MTHFD2L: variants seen among roughly 807,000 people sequenced by gnomAD.
The protein encoded by MTHFD2L is methylenetetrahydrofolate dehydrogenase (NADP+ dependent) 2 like.
MTHFD2L carries 29 observed loss-of-function variants against 34.9 expected under a neutral mutation model. The observed-to-expected ratio is 0.83, with a 90% CI of 0.62 to 1.13. The LOEUF (loss-of-function observed/expected upper bound fraction) is 1.13. Among genes scored for constraint, MTHFD2L ranks in the 50% most tolerant of loss-of-function variants. The pLI is 0.00. For synonymous variants in MTHFD2L, 167 were observed against 155.7 expected (o/e 1.07, Z -0.54); for missense variants, 481 against 446.5 (o/e 1.08, Z -0.70).
chr4:74,197,689 C>T, intron 3 of MTHFD2L, among the ~76,000 whole-genome samples: 1 of 152,282 alleles, frequency 6.6e-6, no homozygotes, highest in African/African-American at 2.4e-5. Context: ...GAGATTGACT[C>T]TAACTCCTTG....
chr4:74,269,334 A>T (rs998499638), intron 6 of MTHFD2L, among the ~76,000 whole-genome samples: 1 of 152,116 alleles, frequency 6.6e-6, no homozygotes, highest in East Asian at 1.9e-4. Context: ...TGTTAGACAG[A>T]ATTTTCTAAA....
At chr4:74,114,717 T>C (rs1230890138) in intron 2 of MTHFD2L, 1 of 152,176 alleles carries the variant, frequency 6.6e-6, no homozygotes, top group African/African-American at 2.4e-5. Context: ...CCAAACTCTC[T>C]CACAAACATA....
At chr4:74,271,564 G>A (rs969041894) in intron 6 of MTHFD2L, among the ~76,000 whole-genome samples, 1 of 152,106 alleles carries the variant, frequency 6.6e-6, no homozygotes, top group Admixed American at 6.5e-5. Flanking sequence ...TGCTGTTTTG[G>A]TTACTGTAGC....
intron 5 of MTHFD2L, among the ~76,000 whole-genome samples, chr4:74,206,952 G>C (rs1364060117): frequency 2.0e-5 from 3 of 152,088 alleles, no homozygotes; most frequent in African/African-American, 7.2e-5. Context: ...CCAGACTAGA[G>C]TTCAGTGGCA....
intron 6 of MTHFD2L, among the ~76,000 whole-genome samples, chr4:74,257,060 C>A (rs1288752938): frequency 6.6e-6 from 1 of 152,032 alleles, no homozygotes; most frequent in Admixed American, 6.6e-5. Flanking sequence ...CAGTATGGCC[C>A]TTTTAATGAT....
chr4:74,185,064 A>G (rs1424370028), intron 3 of MTHFD2L, among the ~76,000 whole-genome samples: 1 of 146,082 alleles, frequency 6.8e-6, no homozygotes, highest in East Asian at 2.2e-4. Flanking sequence ...AGGCAGGAGA[A>G]TGTCCTGAAC....
At chr4:74,157,913 G>C (rs1037847621), upstream of MTHFD2L, 3 of 720,012 alleles carry the variant, frequency 4.2e-6, no homozygotes, top group Non-Finnish European at 7.3e-6. Context: ...CAGAGGGCCC[G>C]GGACTTGGGT....
intron 6 of MTHFD2L, among the ~76,000 whole-genome samples, chr4:74,248,029 TG>T (rs1742742168): frequency 6.6e-6 from 1 of 152,158 alleles, no homozygotes; most frequent in Non-Finnish European, 1.5e-5. Flanking sequence ...CTTTTTCTAT[TG>T]AATGGAATAG....
chr4:74,274,596 A>G lies in MTHFD2L; in HGVS notation c.806-6829A>G, dbSNP rs139966739. Among the ~76,000 whole-genome samples, 694 of 152,346 alleles carry G rather than the reference A, an allele frequency of 4.6e-3. 6 individuals carry two copies. The highest frequency in any genetic ancestry group is 0.043 in the South Asian group (206 of 4,834). ...ATTATTGAATGCTGGTTCCCCAAAA[A>G]TATCACCGAAACAATTCAATGATAT... On this transcript the variant is annotated intron_variant, in intron 6 of 7. Coordinates refer to ENST00000325278, the MANE Select transcript of MTHFD2L (RefSeq NM_001144978.3).
chr4:74,266,991 C>T (rs1745359498), intron 6 of MTHFD2L: 1 of 985,300 alleles, frequency 1.0e-6, no homozygotes, highest in Admixed American at 6.1e-5. Context: ...AAGTTGAGCT[C>T]TGGGGAACCT....
At chr4:74,153,684 G>C (rs1287452382), upstream of MTHFD2L, among the ~76,000 whole-genome samples, 3 of 152,066 alleles carry the variant, frequency 2.0e-5, no homozygotes, top group Admixed American at 6.5e-5. Context: ...CTTGGATAAA[G>C]TCCACCTTTA....
chr4:74,244,303 C>A (rs982982879), intron 6 of MTHFD2L, among the ~76,000 whole-genome samples: 3 of 152,138 alleles, frequency 2.0e-5, no homozygotes, highest in Non-Finnish European at 4.4e-5. Flanking sequence ...GAGATAGAAC[C>A]ATCTATTGGC....
In MTHFD2L at chr4:74,207,252, A is replaced by G. The variant is rs567472493; in HGVS notation, c.712+5882A>G. Among the ~76,000 whole-genome samples, 30 of 152,308 alleles carry G rather than the reference A, an allele frequency of 2.0e-4. No individual in the cohort carries two copies. In the South Asian group the frequency reaches 5.8e-3, roughly 29 times the overall value. On this transcript the variant is annotated intron_variant, in intron 5 of 7. Coordinates refer to ENST00000325278, the MANE Select transcript of MTHFD2L (RefSeq NM_001144978.3). ...GCATACTTTTATTTCTAAGTAGGAC[A>G]TATCTTCTAATTAGGTGAGATTTCC...
chr4:74,297,571 A>G (rs1173750432), intron 7 of MTHFD2L, among the ~76,000 whole-genome samples: 1 of 151,960 alleles, frequency 6.6e-6, no homozygotes, highest in South Asian at 2.1e-4. Context: ...TGGAGCATGT[A>G]GAACACCTTT....
At chr4:74,173,099 A>C (rs906245294) in intron 1 of MTHFD2L, among the ~76,000 whole-genome samples, 1 of 151,990 alleles carries the variant, frequency 6.6e-6, no homozygotes, top group Non-Finnish European at 1.5e-5. Context: ...ATTTACCTAC[A>C]TTTGATGTTT....
At chr4:74,253,747 C>G (rs1743627791) in intron 6 of MTHFD2L, among the ~76,000 whole-genome samples, 1 of 152,154 alleles carries the variant, frequency 6.6e-6, no homozygotes, top group African/African-American at 2.4e-5. Flanking sequence ...CAGGCTAGCT[C>G]CTGTCGACCT....
intron 6 of MTHFD2L, among the ~76,000 whole-genome samples, chr4:74,239,282 C>T (rs1448080312): frequency 6.6e-6 from 1 of 152,076 alleles, no homozygotes; most frequent in African/African-American, 2.4e-5. Flanking sequence ...GGGAACTGAA[C>T]AATGAGAACA....
At chr4:74,136,557 C>T (rs752749581) in intron 1 of MTHFD2L, among the ~76,000 whole-genome samples, 5 of 152,062 alleles carry the variant, frequency 3.3e-5, no homozygotes, top group Non-Finnish European at 7.4e-5. Flanking sequence ...CTACCCCAAA[C>T]AATTTCCAGA....
chr4:74,222,692 A>G lies in MTHFD2L; in HGVS notation c.713-2610A>G, dbSNP rs1009348187. Among the ~76,000 whole-genome samples, 11 of 152,250 alleles carry G rather than the reference A, an allele frequency of 7.2e-5. No homozygotes were observed. In the East Asian group the frequency reaches 1.9e-3, roughly 27 times the overall value. The stretch of plus-strand genomic sequence containing the variant: ...AGTCCTTTTGCTAGTTTCCTCAGAC[A>G]TACTTTGATTAAGTAAACTGTGTCT... On this transcript the variant is annotated intron_variant, in intron 5 of 7. Coordinates refer to ENST00000325278, the MANE Select transcript of MTHFD2L (RefSeq NM_001144978.3).
Sources: allele counts gnomAD v4.1 joint callset (sites outside exome capture counted in the v4.1 genomes callset), GRCh38; gene constraint gnomAD v4.1.1; transcripts MANE v1.5; gene names NCBI Gene and HGNC (gene_info 2026-07-23, HGNC 2026-07-21).